PLEC: variants seen among roughly 807,000 people sequenced by gnomAD.
The protein encoded by PLEC is hemidesmosomal protein 1.
In PLEC, 216 loss-of-function variants were observed where a neutral mutation model predicts 392.8. The observed-to-expected ratio is 0.55, with a 90% CI of 0.49 to 0.62. The LOEUF (loss-of-function observed/expected upper bound fraction) is 0.62. PLEC is among the 20% of genes least tolerant of loss of function. The probability of loss-of-function intolerance (pLI) is 0.00; values close to 1 mark genes in which losing one functional copy is unlikely to be tolerated. For missense variants in PLEC, 6,863 were observed against 6,563.4 expected (o/e 1.05, Z -1.58); for synonymous variants, 3,621 against 2,980.6 (o/e 1.21, Z -7.00).
upstream of PLEC, among the ~76,000 whole-genome samples, chr8:143,975,947 A>G (rs1162259000): frequency 6.6e-6 from 1 of 151,628 alleles, no homozygotes; most frequent in African/African-American, 2.4e-5. This position sits in a 1 kb window ranked among gnomAD's most constrained non-coding sequence, Gnocchi z 9.9. Flanking sequence ...CGCCCCCTCC[A>G]CTCACCGGGT....
chr8:143,973,385 C>A lies in PLEC; in HGVS notation c.70+18G>T. 6.4e-7 allele frequency: 1 copy of A among 1,558,628 alleles called. No individual in the cohort carries two copies. Among genetic ancestry groups the A allele is most frequent in the Admixed American group, 1.9e-5 (1 of 53,702 alleles). On this transcript the variant is annotated intron_variant, in intron 1 of 31. Transcript: ENST00000356346. The surrounding 1 kb of genome is among the most constrained non-coding windows in gnomAD (Gnocchi z 5.6). ...CTGTCAGGAGCGGCCCGACAGGCAG[C>A]GGGACGGGGGGCCGTACCTTTGTAC... is the stretch of plus-strand genomic sequence containing the variant.
rs1820643382 is a variant in PLEC at position 143,916,571 on chromosome 8, A to G, written c.13250T>C (p.Val4417Ala). ...CAGCTTCTGTGCGGTGCGGGCGTCC[A>G]CCGTGCCGCGCTGCAGGGCCTCGTC... ...PLDEALQRGT[V>A]DARTAQKLRD... Residue 4417 changes from valine to alanine, a missense_variant, in exon 32 of 32, where the codon GTG (valine) becomes GCG (alanine). Transcript: ENST00000345136. 1 of 1,611,452 alleles carries G rather than the reference A, an allele frequency of 6.2e-7. No individual in the cohort carries two copies. The highest frequency in any genetic ancestry group is 1.7e-5 in the Admixed American group (1 of 59,970).
intron 1 of PLEC, chr8:143,946,292 A>C: frequency 8.3e-7 from 1 of 1,203,084 alleles, no homozygotes; most frequent in Non-Finnish European, 1.1e-6. Flanking sequence ...CAGGTCTGCC[A>C]GAGGCGGCCC....
At chr8:143,971,487 C>CTT (rs1833428970) in intron 1 of PLEC, among the ~76,000 whole-genome samples, 1 of 152,132 alleles carries the variant, frequency 6.6e-6, no homozygotes. Context: ...GGCCGGGGCT[C>CTT]CAGCCCTCTA....
upstream of PLEC, among the ~76,000 whole-genome samples, chr8:143,952,907 A>AG (rs1832335921): frequency 6.6e-6 from 1 of 151,808 alleles, no homozygotes; most frequent in South Asian, 2.1e-4. Context: ...GCAGGCGGGA[A>AG]GGGAAGCCGC....
rs1421904281 is a variant in PLEC at position 143,969,516 on chromosome 8, GC to G, written c.70+3886del. Reference sequence around the variant, plus strand: ...GCCTGTGACAGCTCATAGAGGCTGGGCCGTCCTGCCACACCATGGGAGCCTG... The same window carrying G: ...GCCTGTGACAGCTCATAGAGGCTGGGCGTCCTGCCACACCATGGGAGCCTG... On this transcript the variant is annotated intron_variant, in intron 1 of 31. Transcript: ENST00000356346. This position sits in a 1 kb window ranked among gnomAD's most constrained non-coding sequence, Gnocchi z 5.1. Among the ~76,000 whole-genome samples the G allele has an allele frequency of 1.1e-4, 17 of 152,356 alleles. No individual in the cohort carries two copies. In the East Asian group the frequency reaches 3.1e-3, roughly 28 times the overall value.
In PLEC at chr8:143,934,585, G is replaced by A. The variant is rs551030172; in HGVS notation, c.1041+50C>T. 7 of 1,602,436 alleles carry A rather than the reference G, an allele frequency of 4.4e-6. No homozygotes were observed. In the African/African-American group the frequency reaches 6.7e-5, roughly 15 times the overall value. On this transcript the variant is annotated intron_variant, in intron 10 of 31. Transcript: ENST00000345136. ...AGGTCGGCTCCGGAAGAACCTTTCA[G>A]GCCTGGGGCGTTCCAGGACACCACC...
At position 143,917,640 on chromosome 8, in the gene PLEC, G is replaced by A. The variant is rs1307233227; in HGVS notation, c.12181C>T (p.Leu4061=). 2 of 1,613,596 alleles carry A rather than the reference G, an allele frequency of 1.2e-6. No homozygotes were observed. Among genetic ancestry groups the A allele is most frequent in the Non-Finnish European group, 8.5e-7 (1 of 1,180,044 alleles). ...CGCTTGTAGGCCACCTCCACGGGCA[G>A]CCGGTGGCTCTCCTCAGGGTCGATG... is the stretch of plus-strand genomic sequence containing the variant. ...GIIDPEESHR[L]PVEVAYKRGL... Residue 4061 remains leucine (L), a synonymous_variant, in exon 32 of 32, where the codon CTG becomes TTG. Coordinates refer to ENST00000345136, the MANE Select transcript of PLEC (RefSeq NM_201384.3).
intron 1 of PLEC, among the ~76,000 whole-genome samples, chr8:143,960,784 G>C (rs1431677048): frequency 2.6e-5 from 4 of 152,322 alleles, no homozygotes; most frequent in African/African-American, 7.2e-5. Context: ...CACACACACA[G>C]TGTGAAAATC....
At chr8:143,971,200 T>G (rs1249933838) in intron 1 of PLEC, among the ~76,000 whole-genome samples, 1 of 151,770 alleles carries the variant, frequency 6.6e-6, no homozygotes, top group Non-Finnish European at 1.5e-5. Flanking sequence ...GAGTTGTCTG[T>G]GAGAGGGCAC....
Position 143,923,516 on chromosome 8 carries a change from A to G in PLEC, c.6413T>C (p.Leu2138Pro). The change falls in exon 31 of 32, where the codon CTG becomes CCG. Residue 2138 changes from leucine to proline, a missense_variant. Leu to Pro is a moderately conservative substitution (Grantham distance 98). Transcript: ENST00000345136. Reference sequence around the variant, plus strand: ...CGCCTCTTGCTCGGCCTCCTTGCGCAGCTTCTCTGCAGCCGCCTGTGCCTG... The same window carrying G: ...CGCCTCTTGCTCGGCCTCCTTGCGCGGCTTCTCTGCAGCCGCCTGTGCCTG... Reference protein sequence around the residue: ...RAQAQAAAEKLRKEAEQEAAR... With the variant: ...RAQAQAAAEKPRKEAEQEAAR... The G allele has an allele frequency of 6.3e-7, 1 of 1,593,744 alleles. No individual in the cohort carries two copies. Among genetic ancestry groups the G allele is most frequent in the Non-Finnish European group, 8.5e-7 (1 of 1,174,012 alleles).
rs914053921 is a variant in PLEC, at chr8:143,924,285, C to T, written c.5644G>A (p.Glu1882Lys). The T allele has an allele frequency of 1.3e-6, 2 of 1,595,640 alleles. No homozygotes were observed. Among genetic ancestry groups the T allele is most frequent in the East Asian group, 2.2e-5 (1 of 44,668 alleles). The change falls in exon 31 of 32, where the codon GAG becomes AAG. Residue 1882 changes from glutamate (E) to lysine (K), a missense_variant. By Grantham distance (56) the Glu-to-Lys change is moderately conservative (BLOSUM62 1). Transcript: ENST00000345136. ...DEAFQRRRLE[E>K]QAAQHKADIE... is the part of the protein sequence containing the mutation. Reference sequence around the variant, plus strand: ...TCAGCCTTGTGTTGCGCGGCCTGCTCCTCCAGCCGCCGCCGCTGGAAGGCC... The same window carrying T: ...TCAGCCTTGTGTTGCGCGGCCTGCTTCTCCAGCCGCCGCCGCTGGAAGGCC...
chr8:143,920,704 A>C lies in PLEC; in HGVS notation c.9117T>G (p.Ser3039Arg). The change falls in exon 32 of 32, where the codon AGT becomes AGG. Residue 3039 changes from serine (S) to arginine (R), a missense_variant. Transcript: ENST00000345136. The stretch of plus-strand genomic sequence containing the variant: ...GGTCTTTCTTCAGGGCATTGTAGAT[A>C]CTCAGCTTCTGCCCCGCCTCCTCCA... The part of the protein sequence containing the change: ...VWLEEAGQKL[S>R]IYNALKKDLL... The C allele has an allele frequency of 6.2e-7, 1 of 1,602,604 alleles. No individual in the cohort carries two copies. The highest frequency in any genetic ancestry group is 1.1e-5 in the South Asian group (1 of 91,084).
At chr8:143,965,939 C>T (rs1391171481) in intron 1 of PLEC, among the ~76,000 whole-genome samples, 4 of 152,172 alleles carry the variant, frequency 2.6e-5, no homozygotes, top group Admixed American at 2.6e-4. Context: ...AGGCTGTGAC[C>T]TGCTGCGGCC....
rs782660010 is a variant in PLEC, at chr8:143,919,564, G to A, written c.10257C>T (p.Gly3419=). 2.4e-5 allele frequency: 38 copies of A among 1,605,724 alleles called. 1 individual carries two copies. The South Asian group carries it at 4.0e-4, about 17-fold the overall frequency. Residue 3419 remains glycine (G), a synonymous_variant, in exon 32 of 32, where the codon GGC becomes GGT. Transcript: ENST00000345136. The part of the protein sequence containing the change: ...VHEAVKAGVV[G]PELHEQLLSA... Reference sequence around the variant, plus strand: ...ACAGCAGCTGCTCGTGAAGCTCGGGGCCCACCACGCCCGCCTTCACGGCCT... The same window carrying A: ...ACAGCAGCTGCTCGTGAAGCTCGGGACCCACCACGCCCGCCTTCACGGCCT...
chr8:143,939,914 CT>C (rs1830124303), upstream of PLEC, among the ~76,000 whole-genome samples: 1 of 152,220 alleles, frequency 6.6e-6, no homozygotes, highest in Non-Finnish European at 1.5e-5. Flanking sequence ...CCCCAACAGA[CT>C]GAAGGGCTCC....
chr8:143,920,214 G>A lies in PLEC; in HGVS notation c.9607C>T (p.Gln3203Ter), dbSNP rs1554681031. Residue 3203 changes from glutamine to a stop codon, truncating the protein, a stop_gained, in exon 32 of 32, where the codon CAG becomes TAG. Coordinates refer to ENST00000345136, the MANE Select transcript of PLEC (RefSeq NM_201384.3). LOFTEE classifies it high-confidence loss of function. ...GGCAGCAGGCTCAGCCCGGTCAGCT[G>A]GTCGGGCCGGCACCGCTGCTGGAGC... ...GELQQRCRPD[Q>*]LTGLSLLPLS... 6.2e-7 allele frequency: 1 copy of A among 1,607,296 alleles called. No homozygotes were observed. Among genetic ancestry groups the A allele is most frequent in the South Asian group, 1.1e-5 (1 of 90,938 alleles).
At position 143,932,025 on chromosome 8, in the gene PLEC, T is replaced by C; in HGVS notation, c.2090A>G (p.Gln697Arg). 6.3e-7 allele frequency: 1 copy of C among 1,599,848 alleles called. No homozygotes were observed. Among genetic ancestry groups the C allele is most frequent in the Non-Finnish European group, 8.5e-7 (1 of 1,174,208 alleles). Residue 697 changes from glutamine (Q) to arginine (R), a missense_variant, in exon 18 of 32, where the codon CAG becomes CGG. Transcript: ENST00000345136. The stretch of plus-strand genomic sequence containing the variant: ...GCTCCACTGCGTCTGCAGGGCCGCC[T>C]GGAAGGACTGCGGGACAGCAGGTCC... Reference protein sequence around the residue: ...HPARPTVESFQAALQTQWSWM... With the variant: ...HPARPTVESFRAALQTQWSWM...
chr8:143,926,794 T>G lies in PLEC; in HGVS notation c.4034A>C (p.Glu1345Ala). The G allele has an allele frequency of 1.2e-6, 2 of 1,613,324 alleles. No homozygotes were observed. Among genetic ancestry groups the G allele is most frequent in the Non-Finnish European group, 8.5e-7 (1 of 1,179,552 alleles). Residue 1345 changes from glutamate (E) to alanine (A), a missense_variant, in exon 30 of 32, where the codon GAG (glutamate) becomes GCG (alanine). Physicochemically the swap from Glu to Ala is moderately radical, Grantham distance 107 (BLOSUM62 -1). Transcript: ENST00000345136. Reference sequence around the variant, plus strand: ...CCCAACGGGCTGTACCTCCTCCTCCTCCATGCGCCGCAGAGTCTCGCTGAT... The same window carrying G: ...CCCAACGGGCTGTACCTCCTCCTCCGCCATGCGCCGCAGAGTCTCGCTGAT... The part of the protein sequence containing the change: ...KFISETLRRM[E>A]EEERLAEQQR...
Sources: gnomAD v4.1 joint callset for allele counts (sites outside exome capture counted in the v4.1 genomes callset) on GRCh38, gnomAD v4.1.1 for gene constraint, Gnocchi (gnomAD v3.1) non-coding constraint, MANE v1.5 for transcripts, NCBI Gene and HGNC (gene_info 2026-07-23, HGNC 2026-07-21) for gene names.